PTPRZ1: variants seen among roughly 807,000 people sequenced by gnomAD.
PTPRZ1 encodes protein tyrosine phosphatase receptor type Z1, also known as receptor-type tyrosine-protein phosphatase zeta.
In PTPRZ1, 82 loss-of-function variants were observed where a neutral mutation model predicts 214.1. That is an observed-to-expected ratio of 0.38 (90% CI 0.32 to 0.46). The LOEUF (loss-of-function observed/expected upper bound fraction) is 0.46, where lower values mean the gene tolerates loss of function less well. PTPRZ1 is among the 20% of genes least tolerant of loss of function. The pLI is 1.00. For missense variants in PTPRZ1, 2,603 were observed against 2,748.7 expected (o/e 0.95, Z 1.19); for synonymous variants, 945 against 987.9 (o/e 0.96, Z 0.81).
intron 11 of PTPRZ1, among the ~76,000 whole-genome samples, chr7:122,005,882 A>G (rs1798470520): frequency 1.3e-5 from 2 of 152,036 alleles, no homozygotes; most frequent in Non-Finnish European, 2.9e-5. Flanking sequence ...TATTTTTCAT[A>G]GTAATTCCCA....
At chr7:121,892,210 T>C (rs1225107857) in intron 1 of PTPRZ1, among the ~76,000 whole-genome samples, 1 of 152,224 alleles carries the variant, frequency 6.6e-6, no homozygotes, top group Non-Finnish European at 1.5e-5. Context: ...ATATATGTTA[T>C]GTCTTTTTTC....
In PTPRZ1 at chr7:121,972,594, G is replaced by A. The variant is rs141251052; in HGVS notation, c.358G>A (p.Val120Met). 9.7e-5 allele frequency: 157 copies of A among 1,613,484 alleles called. 1 individual carries two copies. Among genetic ancestry groups the A allele is most frequent in the Admixed American group, 1.2e-4 (7 of 59,964 alleles). The change falls in exon 4 of 30, where the codon GTG (valine) becomes ATG (methionine). Residue 120 changes from valine to methionine, a missense_variant. Val to Met is a conservative substitution (Grantham distance 21). Transcript: ENST00000393386. ...TGTCAGCGGAGGAGTTTCAGAAATG[G>A]TGTTTAAAGCAAGCAAGATAACTTT... ...YRVSGGVSEM[V>M]FKASKITFHW...
At chr7:121,884,545 G>A (rs1023764094) in intron 1 of PTPRZ1, among the ~76,000 whole-genome samples, 3 of 152,054 alleles carry the variant, frequency 2.0e-5, no homozygotes, top group Admixed American at 2.0e-4. Context: ...CAACATAAAG[G>A]ACAGAAAGAA....
intron 22 of PTPRZ1, among the ~76,000 whole-genome samples, chr7:122,043,725 G>A (rs578177844): frequency 7.1e-4 from 108 of 152,226 alleles, no homozygotes; most frequent in African/African-American, 1.5e-3. Flanking sequence ...TGGAGACATA[G>A]AGGGGAACAA....
intron 1 of PTPRZ1, among the ~76,000 whole-genome samples, chr7:121,912,473 T>C (rs548045642): frequency 6.6e-6 from 1 of 152,242 alleles, no homozygotes; most frequent in East Asian, 1.9e-4. Context: ...AAGTAATCCA[T>C]AGGCAGAAGA....
chr7:122,032,355 T>C (rs1424284954), intron 15 of PTPRZ1, among the ~76,000 whole-genome samples: 1 of 152,200 alleles, frequency 6.6e-6, no homozygotes, highest in African/African-American at 2.4e-5. Flanking sequence ...TCAAACTTCA[T>C]AGAATTTAAT....
intron 1 of PTPRZ1, among the ~76,000 whole-genome samples, chr7:121,912,712 G>A (rs1384722378): frequency 6.6e-6 from 1 of 152,088 alleles, no homozygotes; most frequent in Admixed American, 6.5e-5. Flanking sequence ...GAAAAGAGTG[G>A]TGGCATCTGT....
At chr7:122,037,973 G>A (rs1299476115) in intron 18 of PTPRZ1, among the ~76,000 whole-genome samples, 1 of 152,150 alleles carries the variant, frequency 6.6e-6, no homozygotes, top group Non-Finnish European at 1.5e-5. Flanking sequence ...GCATGGCTAG[G>A]GAGGTCTCGG....
chr7:121,887,684 C>G (rs1015230088), intron 1 of PTPRZ1, among the ~76,000 whole-genome samples: 1 of 152,028 alleles, frequency 6.6e-6, no homozygotes, highest in Non-Finnish European at 1.5e-5. Flanking sequence ...ATGACTGTAG[C>G]CAGAAACACG....
intron 4 of PTPRZ1, among the ~76,000 whole-genome samples, chr7:121,975,315 C>T (rs577083460): frequency 1.3e-5 from 2 of 152,206 alleles, no homozygotes; most frequent in South Asian, 4.1e-4. Context: ...TTTCGATTTC[C>T]CATGCTTGTC....
chr7:121,873,598 G>A, intron 1 of PTPRZ1, 41 bp downstream of exon 1: 1 of 1,606,782 alleles, frequency 6.2e-7, no homozygotes, highest in Non-Finnish European at 8.5e-7. Context: ...CTCCGGGATC[G>A]GTGGGATGAG....
intron 1 of PTPRZ1, among the ~76,000 whole-genome samples, chr7:121,907,335 A>G (rs6974265): frequency 0.14 from 20,736 of 151,998 alleles, 1,584 homozygotes; most frequent in South Asian, 0.33. Context: ...TTCAAAATGA[A>G]TTAAATGTGG....
intron 2 of PTPRZ1, among the ~76,000 whole-genome samples, chr7:121,958,096 G>C (rs891564485): frequency 6.6e-6 from 1 of 151,918 alleles, no homozygotes; most frequent in African/African-American, 2.4e-5. Context: ...GTCTGTCTCT[G>C]TGTGCCACCT....
intron 3 of PTPRZ1, among the ~76,000 whole-genome samples, chr7:121,968,513 A>C (rs1247002423): frequency 1.3e-5 from 2 of 152,170 alleles, no homozygotes; most frequent in African/African-American, 4.8e-5. Context: ...TGGATATGAA[A>C]AAAGCAATTG....
intron 1 of PTPRZ1, among the ~76,000 whole-genome samples, chr7:121,903,254 A>G (rs1795022498): frequency 6.6e-6 from 1 of 152,184 alleles, no homozygotes; most frequent in South Asian, 2.1e-4. Flanking sequence ...AATTTATCTC[A>G]TTTGATAAAA....
Position 122,033,987 on chromosome 7 carries a change from T to C in PTPRZ1, c.5167-108T>C, listed in dbSNP as rs543936281. 1.4e-5 allele frequency: 13 copies of C among 949,210 alleles called. No homozygotes were observed. In the African/African-American group the frequency reaches 1.7e-4, roughly 12 times the overall value. 58.8% of individuals were successfully genotyped at this position (949,210 alleles called of 1,614,324 possible). A position where few individuals can be genotyped will look rare whatever the true frequency, so the allele number is the denominator to read the frequency against. ...GTATTTGACAAATGTATTTATTGCA[T>C]GATCATAGTTTTCCATTGTAAACCT... is the stretch of plus-strand genomic sequence containing the variant. On this transcript the variant is annotated intron_variant, in intron 15 of 29. Coordinates refer to ENST00000393386, the MANE Select transcript of PTPRZ1 (RefSeq NM_002851.3).
At chr7:122,055,985 T>G (rs949487890) in intron 27 of PTPRZ1, among the ~76,000 whole-genome samples, 2 of 151,902 alleles carry the variant, frequency 1.3e-5, no homozygotes, top group African/African-American at 4.8e-5. Context: ...AGCAGTGGAA[T>G]AGTATCCTAT....
At chr7:121,910,740 G>A (rs1795247920) in intron 1 of PTPRZ1, among the ~76,000 whole-genome samples, 1 of 152,078 alleles carries the variant, frequency 6.6e-6, no homozygotes, top group South Asian at 2.1e-4. Context: ...GTTTGAGTTT[G>A]GGTAGAGGCA....
At chr7:121,972,239 G>T (rs1797272738) in intron 3 of PTPRZ1, among the ~76,000 whole-genome samples, 1 of 151,950 alleles carries the variant, frequency 6.6e-6, no homozygotes, top group Non-Finnish European at 1.5e-5. Context: ...TCTTAGGGAA[G>T]CAGAGCTTTC....
Sources: gnomAD v4.1 joint callset for allele counts (sites outside exome capture counted in the v4.1 genomes callset) on GRCh38, gnomAD v4.1.1 for gene constraint, MANE v1.5 for transcripts, NCBI Gene and HGNC (gene_info 2026-07-23, HGNC 2026-07-21) for gene names.